The following FOXP1 variants were observed in gnomAD, a reference collection of about 807,000 sequenced individuals.
The protein encoded by FOXP1 is forkhead box protein P1.
Under a neutral mutation model 98.2 loss-of-function variants are expected in FOXP1, and 15 were observed. The observed-to-expected ratio is 0.15, with a 90% CI of 0.10 to 0.24. FOXP1 has a LOEUF of 0.24. Among genes scored for constraint, FOXP1 ranks in the 10% least tolerant of loss-of-function variants. FOXP1 has a pLI of 1.00. For missense variants in FOXP1, 633 were observed against 848.5 expected, an observed-to-expected ratio of 0.75 and a Z score of 3.15; for synonymous variants, 371 against 314.5, an observed-to-expected ratio of 1.18 and a Z score of -1.90.
chr3:71,104,703 A>G (rs1462829700), intron 7 of FOXP1, among the ~76,000 whole-genome samples: 1 of 152,156 alleles, frequency 6.6e-6, no homozygotes, highest in African/African-American at 2.4e-5. Context: ...CAGGAAACCC[A>G]TCCACAACAT....
At position 71,309,271 on chromosome 3, in the gene FOXP1, T is replaced by A. The variant is rs570294294; in HGVS notation, c.-72-9391A>T. On this transcript the variant is annotated intron_variant, in intron 4 of 20. Coordinates refer to ENST00000649528, the MANE Select transcript of FOXP1 (RefSeq NM_001349338.3). ...TCTTTCCCTGAATTAATATAAAATATGGTCGAAATCACTGCGCTAAGAAAA... is the reference window on the plus strand; with the variant it reads ...TCTTTCCCTGAATTAATATAAAATAAGGTCGAAATCACTGCGCTAAGAAAA... Among the ~76,000 whole-genome samples the A allele has an allele frequency of 7.9e-4, 120 of 152,280 alleles. No individual in the cohort carries two copies. In the South Asian group the frequency reaches 0.024, roughly 31 times the overall value.
At chr3:71,546,553 C>T (rs992426335) in intron 2 of FOXP1, among the ~76,000 whole-genome samples, 2 of 152,238 alleles carry the variant, frequency 1.3e-5, no homozygotes, top group East Asian at 1.9e-4. Flanking sequence ...CTACCCACCA[C>T]TTCTATGATG....
At chr3:71,290,257 T>A (rs2072604953) in intron 5 of FOXP1, among the ~76,000 whole-genome samples, 1 of 152,226 alleles carries the variant, frequency 6.6e-6, no homozygotes, top group African/African-American at 2.4e-5. Flanking sequence ...GTCTTCTGAC[T>A]CCTCTGTTTC....
intron 3 of FOXP1, among the ~76,000 whole-genome samples, chr3:71,360,094 A>G (rs2078451741): frequency 6.6e-6 from 1 of 152,198 alleles, no homozygotes; most frequent in Admixed American, 6.6e-5. Context: ...TGCTCGGCTT[A>G]TAATTTCTTA....
At chr3:71,482,924 T>A (rs1193208706) in intron 3 of FOXP1, among the ~76,000 whole-genome samples, 1 of 151,506 alleles carries the variant, frequency 6.6e-6, no homozygotes, top group Non-Finnish European at 1.5e-5. Flanking sequence ...AACCTCCACC[T>A]CCAGGATTCA....
chr3:71,059,180 T>C (rs2051123678), intron 7 of FOXP1, among the ~76,000 whole-genome samples: 1 of 152,170 alleles, frequency 6.6e-6, no homozygotes, highest in African/African-American at 2.4e-5. Flanking sequence ...TTACATTCTA[T>C]CAAGAAAGGC....
rs200088006 is a variant in FOXP1, at chr3:70,976,693, C to T, written c.1530+248G>A. Among the ~76,000 whole-genome samples, 6 of 152,282 alleles carry T rather than the reference C, an allele frequency of 3.9e-5. No homozygotes were observed. In the East Asian group the frequency reaches 1.2e-3, roughly 29 times the overall value. Reference sequence around the variant, plus strand: ...GTCTCCTTTTCTCTACATATTCCAACCAGAGAGAGATCACTTTACTGGCTG... The same window carrying T: ...GTCTCCTTTTCTCTACATATTCCAATCAGAGAGAGATCACTTTACTGGCTG... On this transcript the variant is annotated intron_variant, in intron 17 of 20. Transcript: ENST00000649528.
chr3:71,036,060 C>T (rs1477546106), intron 11 of FOXP1, among the ~76,000 whole-genome samples: 2 of 152,114 alleles, frequency 1.3e-5, no homozygotes, highest in African/African-American at 4.8e-5. Context: ...CCTGTAAACA[C>T]AAATGTTATT....
intron 5 of FOXP1, among the ~76,000 whole-genome samples, chr3:71,240,371 G>A (rs974215867): frequency 2.6e-5 from 4 of 152,202 alleles, no homozygotes; most frequent in Non-Finnish European, 4.4e-5. Flanking sequence ...TGGTCTCCTG[G>A]CTCAAGCAGG....
intron 5 of FOXP1, among the ~76,000 whole-genome samples, chr3:71,267,734 T>G (rs2069841312): frequency 6.6e-6 from 1 of 152,126 alleles, no homozygotes; most frequent in Non-Finnish European, 1.5e-5. Context: ...ATGTCTGTGT[T>G]GGGCCAGGCG....
intron 3 of FOXP1, among the ~76,000 whole-genome samples, chr3:71,444,457 C>T (rs1018869969): frequency 1.3e-5 from 2 of 151,914 alleles, no homozygotes; most frequent in African/African-American, 4.8e-5. Context: ...CAAGCATCAC[C>T]ACGACTCACT....
chr3:71,436,718 C>T (rs993896104), intron 3 of FOXP1, among the ~76,000 whole-genome samples: 4 of 152,076 alleles, frequency 2.6e-5, no homozygotes, highest in Non-Finnish European at 4.4e-5. Flanking sequence ...GCACATCCTC[C>T]GAGAATGATG....
chr3:71,467,430 G>C (rs2088884668), intron 3 of FOXP1, among the ~76,000 whole-genome samples: 2 of 152,076 alleles, frequency 1.3e-5, no homozygotes, highest in Non-Finnish European at 2.9e-5. Flanking sequence ...TGGACAAATG[G>C]AATCTCCCCA....
intron 19 of FOXP1, chr3:70,970,334 A>G (rs925030857): frequency 5.3e-5 from 11 of 205,798 alleles, no homozygotes. Context: ...AAAGAAATAC[A>G]AAGCCCTGCT....
At chr3:71,306,631 C>CAAAAAAAAAAAAAAAAA (rs66479255) in intron 4 of FOXP1, among the ~76,000 whole-genome samples, 4 of 42,834 alleles carry the variant, frequency 9.3e-5, no homozygotes, top group South Asian at 1.6e-3. Context: ...GAGAATAAGC[C>CAAAAAAAAAAAAAAAAA]AAAAAAAAAA....
intron 11 of FOXP1, among the ~76,000 whole-genome samples, chr3:71,032,089 C>A (rs1457782362): frequency 6.6e-6 from 1 of 152,234 alleles, no homozygotes; most frequent in African/African-American, 2.4e-5. Flanking sequence ...ACAGAGGCTG[C>A]CTGAGTGGAG....
intron 18 of FOXP1, chr3:70,972,027 C>CA: frequency 6.9e-7 from 1 of 1,444,656 alleles, no homozygotes; most frequent in East Asian, 2.6e-5. Flanking sequence ...ACAAGCTCGT[C>CA]AAAGTTTTCA....
intron 2 of FOXP1, among the ~76,000 whole-genome samples, chr3:71,516,953 C>T (rs2042627213): frequency 6.6e-6 from 1 of 152,190 alleles, no homozygotes; most frequent in South Asian, 2.1e-4. Context: ...GTGTGTGTCT[C>T]GCCTGTCAGA....
chr3:71,386,995 TACCA>T (rs2080640529), intron 3 of FOXP1, among the ~76,000 whole-genome samples: 1 of 152,174 alleles, frequency 6.6e-6, no homozygotes, highest in Non-Finnish European at 1.5e-5. Context: ...GAGCTCTGTG[TACCA>T]ACCAAAGGAA....
Sources: allele counts gnomAD v4.1 joint callset (sites outside exome capture counted in the v4.1 genomes callset), GRCh38; gene constraint gnomAD v4.1.1; transcripts MANE v1.5; gene names NCBI Gene and HGNC (gene_info 2026-07-23, HGNC 2026-07-21).